RUFY3: variants seen among roughly 807,000 people sequenced by gnomAD.
RUFY3 encodes protein RUFY3.
Under a neutral mutation model 84.0 loss-of-function variants are expected in RUFY3, and 34 were observed. That is an observed-to-expected ratio of 0.40 (90% CI 0.31 to 0.54). The LOEUF (loss-of-function observed/expected upper bound fraction) is 0.54, where lower values mean the gene tolerates loss of function less well. Among genes scored for constraint, RUFY3 ranks in the 20% least tolerant of loss-of-function variants. The pLI is 0.39. For missense variants in RUFY3, 507 were observed against 736.8 expected (o/e 0.69, Z 3.61); for synonymous variants, 242 against 252.9 (o/e 0.96, Z 0.41).
At chr4:70,710,383 A>G (rs1451033512) in intron 1 of RUFY3, among the ~76,000 whole-genome samples, 3 of 151,882 alleles carry the variant, frequency 2.0e-5, no homozygotes, top group Non-Finnish European at 4.4e-5. Flanking sequence ...TCTAGAAAAC[A>G]GTAAAGGTCG....
chr4:70,711,064 GAAAAAAAA>G (rs950005722), intron 1 of RUFY3, among the ~76,000 whole-genome samples: 52 of 54,090 alleles, frequency 9.6e-4, no homozygotes, highest in African/African-American at 2.6e-3. Context: ...ACTCCGTCTG[GAAAAAAAA>G]AAAAAAAAAA....
At chr4:70,720,287 C>T (rs913024347), upstream of RUFY3, among the ~76,000 whole-genome samples, 3 of 152,112 alleles carry the variant, frequency 2.0e-5, no homozygotes, top group Admixed American at 6.6e-5. Context: ...GAGCTCAAGC[C>T]ATTCACCTGC....
chr4:70,752,851 G>A (rs537957969), intron 1 of RUFY3, among the ~76,000 whole-genome samples: 1 of 152,222 alleles, frequency 6.6e-6, no homozygotes, highest in Admixed American at 6.5e-5. Flanking sequence ...TATTCATAAG[G>A]AGTATTGATC....
At chr4:70,797,203 A>G (rs561364251) in intron 14 of RUFY3, among the ~76,000 whole-genome samples, 1 of 152,116 alleles carries the variant, frequency 6.6e-6, no homozygotes, top group Non-Finnish European at 1.5e-5. Flanking sequence ...TCAGCCTCCC[A>G]AAGTGCTAGG....
At chr4:70,783,718 G>A (rs1281628238) in intron 9 of RUFY3, among the ~76,000 whole-genome samples, 4 of 151,768 alleles carry the variant, frequency 2.6e-5, no homozygotes. Context: ...GATGACTGAG[G>A]ATCATTAATT....
intron 1 of RUFY3, 24 bp downstream of exon 1, chr4:70,722,775 G>A (rs760260584): frequency 6.2e-7 from 1 of 1,602,994 alleles, no homozygotes; most frequent in Non-Finnish European, 8.5e-7. Context: ...CTGTCCGCTA[G>A]TATTTCACCA....
chr4:70,708,753 A>G (rs979899434), intron 1 of RUFY3, among the ~76,000 whole-genome samples: 18 of 152,318 alleles, frequency 1.2e-4, no homozygotes, highest in Admixed American at 9.8e-4. Flanking sequence ...AAGAATAGCA[A>G]AAATGTGTGA....
intron 1 of RUFY3, among the ~76,000 whole-genome samples, chr4:70,731,953 A>G (rs1020776057): frequency 3.9e-5 from 6 of 152,244 alleles, no homozygotes; most frequent in Admixed American, 3.9e-4. Context: ...CTTTTAGCCA[A>G]GCATTCTCAT....
intron 17 of RUFY3, 143 bp from the exon 18 acceptor site, chr4:70,806,373 T>C: frequency 1.1e-6 from 1 of 936,272 alleles, no homozygotes; most frequent in Admixed American, 2.3e-5. Flanking sequence ...TGGGCCTGTG[T>C]TCAGATACTA....
In RUFY3 at chr4:70,806,876, T is replaced by C. The variant is rs1433381003; in HGVS notation, c.*217T>C. The C allele has an allele frequency of 1.5e-5, 7 of 465,998 alleles. No individual in the cohort carries two copies. The highest frequency in any genetic ancestry group is 2.6e-5 in the Non-Finnish European group (7 of 267,202). The allele number at this position is 465,998 out of a possible 1,614,324, so 28.9% of individuals were successfully genotyped here. A position where few individuals can be genotyped will look rare whatever the true frequency, so the allele number is the denominator to read the frequency against. ...AATAAAAGTGAACTTACTTGAGCCT[T>C]TCTCTTCTAAATCTAAACAACCTGA... On this transcript the variant is annotated 3_prime_UTR_variant, in exon 18 of 18. Transcript: ENST00000381006.
Position 70,787,207 on chromosome 4 carries a change from TATATATA to T in RUFY3, c.1072-1597_1072-1591del, listed in dbSNP as rs1264802944. Among the ~76,000 whole-genome samples the T allele has an allele frequency of 4.2e-4, 56 of 134,280 alleles. No individual in the cohort carries two copies. The South Asian group carries it at 4.6e-3, about 11-fold the overall frequency. The allele number at this position is 134,280 out of a possible 152,430, so 88.1% of individuals were successfully genotyped here. ...AAAAAAATATATATATATATATATA[TATATATA>T]AAAACAAATTGACAGTATATAACAT... is the stretch of plus-strand genomic sequence containing the variant. On this transcript the variant is annotated intron_variant, in intron 10 of 17. Coordinates refer to ENST00000381006, the MANE Select transcript of RUFY3 (RefSeq NM_001037442.4).
chr4:70,793,696 T>C, intron 12 of RUFY3, 89 bp from the exon 13 acceptor site: 2 of 1,604,934 alleles, frequency 1.2e-6, no homozygotes, highest in Non-Finnish European at 1.7e-6. Context: ...CATTCTTCCT[T>C]GGGTTATTTT....
chr4:70,767,259 A>ATTT lies in RUFY3; in HGVS notation c.573-1251_573-1249dup, dbSNP rs779388140. 6.4e-3 allele frequency among the ~76,000 whole-genome samples: 319 copies of ATTT among 49,662 alleles called. 11 individuals are homozygous for ATTT. The highest frequency in any genetic ancestry group is 0.011 in the African/African-American group (149 of 14,084). The allele number at this position is 49,662 out of a possible 152,430, so 32.6% of individuals were successfully genotyped here. A position where few individuals can be genotyped will look rare whatever the true frequency, so the allele number is the denominator to read the frequency against. On this transcript the variant is annotated intron_variant, in intron 4 of 17. Coordinates refer to ENST00000381006, the MANE Select transcript of RUFY3 (RefSeq NM_001037442.4). ...TGCCACCATGCCCGGCTAATTTTGT[A>ATTT]TTTTTTTTTTTTTTTTTTTTTTTTT... is the stretch of plus-strand genomic sequence containing the variant.
intron 1 of RUFY3, among the ~76,000 whole-genome samples, chr4:70,708,225 G>A (rs994993623): frequency 2.0e-5 from 3 of 152,314 alleles, no homozygotes; most frequent in Admixed American, 6.5e-5. Context: ...AGGCTAGAGT[G>A]CAGCAGTACA....
chr4:70,792,485 TA>T, intron 12 of RUFY3: 2 of 985,316 alleles, frequency 2.0e-6, no homozygotes, highest in Non-Finnish European at 2.4e-6. Context: ...TTTAACATTG[TA>T]AATAATCCTA....
At chr4:70,801,449 A>G (rs1732224873) in intron 15 of RUFY3, among the ~76,000 whole-genome samples, 1 of 152,214 alleles carries the variant, frequency 6.6e-6, no homozygotes, top group African/African-American at 2.4e-5. Context: ...GGGATGGGGC[A>G]GGAAGCATGT....
At chr4:70,795,293 A>G (rs1223223285) in intron 14 of RUFY3, among the ~76,000 whole-genome samples, 5 of 152,164 alleles carry the variant, frequency 3.3e-5, no homozygotes, top group Non-Finnish European at 7.3e-5. Flanking sequence ...CTCAATGTGG[A>G]TTTGCTTCTG....
At chr4:70,761,591 A>T (rs542670874) in intron 1 of RUFY3, among the ~76,000 whole-genome samples, 3 of 152,188 alleles carry the variant, frequency 2.0e-5, no homozygotes, top group Non-Finnish European at 4.4e-5. Context: ...AGAGATGGAG[A>T]TCATAATTGT....
intron 1 of RUFY3, among the ~76,000 whole-genome samples, chr4:70,711,182 C>T (rs568218709): frequency 2.0e-5 from 3 of 150,742 alleles, no homozygotes; most frequent in Non-Finnish European, 4.4e-5. Context: ...TGGTCTTGGA[C>T]TCCTGGGCTC....
Sources: allele counts gnomAD v4.1 joint callset (sites outside exome capture counted in the v4.1 genomes callset), GRCh38; gene constraint gnomAD v4.1.1; transcripts MANE v1.5; gene names NCBI Gene and HGNC (gene_info 2026-07-23, HGNC 2026-07-21).